ANTXRL: variants seen among roughly 807,000 people sequenced by gnomAD.
ANTXRL encodes ANTXR like.
ANTXRL carries 63 observed loss-of-function variants against 75.4 expected under a neutral mutation model. The ratio of observed to expected loss-of-function variants is 0.84; its 90% CI spans 0.68 to 1.03. The LOEUF is 1.03. Among genes scored for constraint, ANTXRL ranks in the 50% least tolerant of loss-of-function variants. The pLI, the probability that ANTXRL is intolerant of heterozygous loss-of-function variation, is 0.00. For synonymous variants in ANTXRL, 335 were observed against 291.3 expected (o/e 1.15, Z -1.53); for missense variants, 797 against 789.4 (o/e 1.01, Z -0.12).
intron 16 of ANTXRL, among the ~76,000 whole-genome samples, chr10:46,323,435 C>G (rs1271415708): frequency 1.3e-5 from 2 of 152,168 alleles, no homozygotes; most frequent in Non-Finnish European, 2.9e-5. Context: ...TAGGTTGCAG[C>G]ATTTTAGATG....
chr10:46,297,311 C>T lies in ANTXRL; in HGVS notation c.568C>T (p.Gln190Ter). 2 of 1,536,522 alleles carry T rather than the reference C, an allele frequency of 1.3e-6. No individual in the cohort carries two copies. Among genetic ancestry groups the T allele is most frequent in the South Asian group, 2.4e-5 (2 of 84,048 alleles). Residue 190 changes from glutamine to a stop codon, truncating the protein, a stop_gained, in exon 6 of 17, where the codon CAG becomes TAG. Coordinates refer to ENST00000620264, the MANE Select transcript of ANTXRL (RefSeq NM_001278688.3). LOFTEE classifies it high-confidence loss of function. ...TGGAGAACTGGTGGCACATGCATTT[C>T]AGGACACTCTCAGAGAAGTGAGTCC... ...TDGELVAHAF[Q>*]DTLREAQKAR...
Position 46,293,886 on chromosome 10 carries a change from A to G in ANTXRL, c.378A>G (p.Pro126=), listed in dbSNP as rs1376319224. The G allele has an allele frequency of 2.6e-6, 4 of 1,535,400 alleles. No homozygotes were observed. The highest frequency in any genetic ancestry group is 3.5e-6 in the Non-Finnish European group (4 of 1,146,598). ...CCACAGACGGCCAGACTGTCTTGCC[A>G]CTCACCTCAGACAAGTGAGTGCTGC... ...TYSTDGQTVL[P]LTSDKNRIKN... The change falls in exon 3 of 17, where the codon CCA becomes CCG. Residue 126 remains proline (P), a synonymous_variant. Transcript: ENST00000620264.
intron 16 of ANTXRL, among the ~76,000 whole-genome samples, chr10:46,320,093 A>T (rs1838909880): frequency 6.6e-6 from 1 of 152,164 alleles, no homozygotes; most frequent in Admixed American, 6.5e-5. Flanking sequence ...TGCCTTTCAA[A>T]TACCTTCCCA....
chr10:46,310,440 T>G, intron 13 of ANTXRL, 21 bp from the exon 14 acceptor site: 1 of 1,536,162 alleles, frequency 6.5e-7, no homozygotes, highest in Non-Finnish European at 8.7e-7. Flanking sequence ...AGCCTGTGTT[T>G]GTCTCTTTTG....
At chr10:46,325,487 C>G (rs1269976774) in intron 16 of ANTXRL, among the ~76,000 whole-genome samples, 1 of 152,144 alleles carries the variant, frequency 6.6e-6, no homozygotes, top group Non-Finnish European at 1.5e-5. Context: ...TCAAAATGTT[C>G]AGCTAAGGCC....
intron 16 of ANTXRL, among the ~76,000 whole-genome samples, chr10:46,320,209 A>G (rs1206176873): frequency 6.6e-6 from 1 of 152,168 alleles, no homozygotes; most frequent in Non-Finnish European, 1.5e-5. Flanking sequence ...CTACTGAGTA[A>G]AGATTTCAGT....
At chr10:46,299,161 A>G (rs1837565304) in intron 9 of ANTXRL, among the ~76,000 whole-genome samples, 1 of 152,044 alleles carries the variant, frequency 6.6e-6, no homozygotes, top group Non-Finnish European at 1.5e-5. Flanking sequence ...TGTGTAATTT[A>G]CCACATCAAC....
chr10:46,315,663 GA>G (rs567280232), intron 16 of ANTXRL, among the ~76,000 whole-genome samples: 156 of 152,256 alleles, frequency 1.0e-3, no homozygotes, highest in Admixed American at 2.8e-3. Context: ...CTGACCTGGG[GA>G]GTGTGATAAG....
At chr10:46,312,122 G>A (rs1367288119) in intron 15 of ANTXRL, among the ~76,000 whole-genome samples, 9 of 149,324 alleles carry the variant, frequency 6.0e-5, no homozygotes, top group African/African-American at 1.7e-4. Flanking sequence ...TCACCACCAC[G>A]AACACTGCAA....
At chr10:46,312,827 AGGG>A (rs1838505446) in intron 15 of ANTXRL, among the ~76,000 whole-genome samples, 1 of 149,870 alleles carries the variant, frequency 6.7e-6, no homozygotes, top group African/African-American at 2.5e-5. Context: ...CTCCCTGAGC[AGGG>A]CATGGTCCTC....
intron 16 of ANTXRL, among the ~76,000 whole-genome samples, chr10:46,314,267 G>A (rs1838598352): frequency 1.3e-5 from 2 of 152,100 alleles, no homozygotes; most frequent in African/African-American, 4.8e-5. Flanking sequence ...GGCATGCAGG[G>A]CTCCTCCAGC....
In ANTXRL at chr10:46,294,380, C is replaced by A. The variant is rs560493918; in HGVS notation, c.392+480C>A. 4.5e-3 allele frequency among the ~76,000 whole-genome samples: 683 copies of A among 151,998 alleles called. 15 individuals carry two copies. Among genetic ancestry groups the A allele is most frequent in the African/African-American group, 0.016 (662 of 41,408 alleles). Reference sequence around the variant, plus strand: ...TGCTGGCAGGCCCAGACTGGGGAGCCCCTGGGTGGGGTTCTGAGCTCCAGG... The same window carrying A: ...TGCTGGCAGGCCCAGACTGGGGAGCACCTGGGTGGGGTTCTGAGCTCCAGG... On this transcript the variant is annotated intron_variant, in intron 3 of 16. Coordinates refer to ENST00000620264, the MANE Select transcript of ANTXRL (RefSeq NM_001278688.3).
At chr10:46,302,222 G>T (rs1368629245) in intron 9 of ANTXRL, among the ~76,000 whole-genome samples, 1 of 152,166 alleles carries the variant, frequency 6.6e-6, no homozygotes, top group African/African-American at 2.4e-5. Flanking sequence ...CAGGCACACA[G>T]AAAGACAGGG....
At chr10:46,306,376 C>T (rs1838084340) in intron 10 of ANTXRL, among the ~76,000 whole-genome samples, 1 of 152,182 alleles carries the variant, frequency 6.6e-6, no homozygotes, top group African/African-American at 2.4e-5. Flanking sequence ...AATCCCTGGC[C>T]TTGCATTATT....
At position 46,308,514 on chromosome 10, in the gene ANTXRL, C is replaced by A. The variant is rs181384530; in HGVS notation, c.1045-599C>A. 1,949 of 445,268 alleles carry A rather than the reference C, an allele frequency of 4.4e-3. 10 individuals carry two copies. Among genetic ancestry groups the A allele is most frequent in the Non-Finnish European group, 6.4e-3 (1,420 of 221,772 alleles). 27.6% of individuals were successfully genotyped at this position (445,268 alleles called of 1,614,324 possible). A position where few individuals can be genotyped will look rare whatever the true frequency, so the allele number is the denominator to read the frequency against. ...AAGGCCTGAGCAGCCTGCCTTCCCA[C>A]GGATGCCGCCCAAGATTCCTTTATT... is the stretch of plus-strand genomic sequence containing the variant. On this transcript the variant is annotated intron_variant, in intron 12 of 16. Transcript: ENST00000620264.
chr10:46,289,050 CA>C lies in ANTXRL; in HGVS notation c.248+1543del, dbSNP rs1836876431. ...GGATTTTGTGACTCCAAAGCCCATC[CA>C]AAGACCACGCAGCTGGGCGGGACCC... On this transcript the variant is annotated intron_variant, in intron 1 of 16. Coordinates refer to ENST00000620264, the MANE Select transcript of ANTXRL (RefSeq NM_001278688.3). Among the ~76,000 whole-genome samples the C allele has an allele frequency of 5.3e-5, 8 of 152,286 alleles. No homozygotes were observed. The South Asian group carries it at 1.7e-3, about 32-fold the overall frequency.
intron 16 of ANTXRL, among the ~76,000 whole-genome samples, chr10:46,328,216 T>C (rs1458589832): frequency 2.6e-5 from 4 of 152,024 alleles, no homozygotes; most frequent in African/African-American, 9.7e-5. Flanking sequence ...TCTGAAAAGG[T>C]GAGCAGCAGT....
intron 15 of ANTXRL, among the ~76,000 whole-genome samples, chr10:46,312,018 C>T (rs1461837377): frequency 6.8e-6 from 1 of 146,442 alleles, no homozygotes; most frequent in Non-Finnish European, 1.5e-5. Context: ...CTTTAGACCA[C>T]TTGCCTGCAG....
chr10:46,309,179 G>T lies in ANTXRL; in HGVS notation c.1111G>T (p.Val371Phe). ...LLLVPLLLCC[V>F]WRLCRKQTVK... ...GCTTGTGCCACTGCTGCTGTGTTGT[G>T]TCTGGCGGCTGTGCCGCAAGCAGGC... is the stretch of plus-strand genomic sequence containing the variant. The change falls in exon 13 of 17, where the codon GTC (valine) becomes TTC (phenylalanine). Residue 371 changes from valine (V) to phenylalanine (F), a missense_variant. Transcript: ENST00000620264. 10 of 1,527,932 alleles carry T rather than the reference G, an allele frequency of 6.5e-6. No individual in the cohort carries two copies. Among genetic ancestry groups the T allele is most frequent in the Non-Finnish European group, 8.7e-6 (10 of 1,146,374 alleles). The allele number at this position is 1,527,932 out of a possible 1,614,324, so 94.6% of individuals were successfully genotyped here. A position where few individuals can be genotyped will look rare whatever the true frequency, so the allele number is the denominator to read the frequency against.
Sources: allele counts gnomAD v4.1 joint callset (sites outside exome capture counted in the v4.1 genomes callset), GRCh38; gene constraint gnomAD v4.1.1; transcripts MANE v1.5; gene names NCBI Gene and HGNC (gene_info 2026-07-23, HGNC 2026-07-21).